COL5A3: variants seen among roughly 807,000 people sequenced by gnomAD.
COL5A3 encodes collagen type V alpha 3 chain.
COL5A3 carries 172 observed loss-of-function variants against 250.0 expected under a neutral mutation model. The observed-to-expected ratio is 0.69, with a 90% CI of 0.61 to 0.78. The LOEUF is 0.78. Ranked by LOEUF, COL5A3 falls within the 30% of genes least tolerant of loss-of-function variation. COL5A3 has a pLI of 0.00. For missense variants in COL5A3, 2,340 were observed against 2,334.4 expected, an observed-to-expected ratio of 1.00 and a Z score of -0.05; for synonymous variants, 937 against 900.4, an observed-to-expected ratio of 1.04 and a Z score of -0.73.
chr19:9,981,422 T>C (rs549273776), intron 32 of COL5A3, among the ~76,000 whole-genome samples: 1 of 152,280 alleles, frequency 6.6e-6, no homozygotes, highest in East Asian at 1.9e-4. Context: ...CATGATTGCA[T>C]GTAATCATGG....
intron 37 of COL5A3, 130 bp from the exon 38 acceptor site, chr19:9,979,547 T>C (rs2086974637): frequency 1.0e-6 from 1 of 985,614 alleles, no homozygotes; most frequent in Non-Finnish European, 1.6e-6. Flanking sequence ...CCCAGCACTT[T>C]GGGAGGCAGA....
At chr19:9,991,205 G>A (rs2087183917) in intron 24 of COL5A3, among the ~76,000 whole-genome samples, 1 of 152,194 alleles carries the variant, frequency 6.6e-6, no homozygotes, top group African/African-American at 2.4e-5. Flanking sequence ...TTGAGCCACT[G>A]CACTCCAGCC....
rs1282067808 is a variant in COL5A3 at position 9,998,112 on chromosome 19, A to G, written c.1148T>C (p.Val383Ala). ...ATCCAGACCCCTCACCTTTTCAATC[A>G]CTGCGGGCTCTCCTTTTGCTCCTTT... ...GEKGAKGEPA[V>A]IEKGQQFEGP... is the part of the protein sequence containing the mutation. The change falls in exon 9 of 67, where the codon GTG (valine) becomes GCG (alanine). Residue 383 changes from valine (V) to alanine (A), a missense_variant. Val to Ala is a moderately conservative substitution (Grantham distance 64, BLOSUM62 0). This residue lies in a region of COL5A3 where 1,152 missense variants were observed against 1,146.3 expected (regional missense o/e 1.00). Transcript: ENST00000264828. 6.2e-7 allele frequency: 1 copy of G among 1,613,756 alleles called. No homozygotes were observed. Among genetic ancestry groups the G allele is most frequent in the Admixed American group, 1.7e-5 (1 of 59,968 alleles).
In COL5A3 at chr19:9,960,263, G is replaced by C. The variant is rs1380726376; in HGVS notation, c.*148C>G. On this transcript the variant is annotated 3_prime_UTR_variant, in exon 67 of 67. Transcript: ENST00000264828. Reference sequence around the variant, plus strand: ...CCCCAGCCCCCAGCACCCTGGAAAGGAGAAGGAATGACTGTCCGTGATGAG... The same window carrying C: ...CCCCAGCCCCCAGCACCCTGGAAAGCAGAAGGAATGACTGTCCGTGATGAG... The C allele has an allele frequency of 1.0e-5, 10 of 987,240 alleles. No homozygotes were observed. Among genetic ancestry groups the C allele is most frequent in the Non-Finnish European group, 1.5e-5 (10 of 673,872 alleles). 61.2% of individuals were successfully genotyped at this position (987,240 alleles called of 1,614,324 possible). A position where few individuals can be genotyped will look rare whatever the true frequency, so the allele number is the denominator to read the frequency against.
chr19:9,978,562 G>A lies in COL5A3; in HGVS notation c.3018+12C>T. 1 of 1,573,960 alleles carries A rather than the reference G, an allele frequency of 6.4e-7. No homozygotes were observed. The highest frequency in any genetic ancestry group is 8.7e-7 in the Non-Finnish European group (1 of 1,149,798). ...CACCCTGCCCCCACCCAGCACATGG[G>A]GTTATACTTACATTGGCCCCCACGG... On this transcript the variant is annotated intron_variant, in intron 41 of 66. Transcript: ENST00000264828.
intron 1 of COL5A3, among the ~76,000 whole-genome samples, chr19:10,008,058 C>T (rs1481053674): frequency 6.6e-6 from 1 of 151,988 alleles, no homozygotes; most frequent in Non-Finnish European, 1.5e-5. Context: ...TAAGAGAAAT[C>T]TGGGTTGCAG....
At position 10,005,728 on chromosome 19, in the gene COL5A3, G is replaced by A. The variant is rs746105681; in HGVS notation, c.438-14C>T. On this transcript the variant is annotated splice_polypyrimidine_tract_variant and intron_variant, in intron 3 of 66. Coordinates refer to ENST00000264828, the MANE Select transcript of COL5A3 (RefSeq NM_015719.4). ...ACACGGTGCCACCTGCAAGGGGACG[G>A]CCTCAGTGCGGGTGCTTCTCACCCC... is the stretch of plus-strand genomic sequence containing the variant. 1.2e-6 allele frequency: 2 copies of A among 1,602,096 alleles called. No homozygotes were observed. The highest frequency in any genetic ancestry group is 1.7e-6 in the Non-Finnish European group (2 of 1,171,994).
chr19:9,972,071 A>C (rs1433976213), intron 51 of COL5A3, among the ~76,000 whole-genome samples: 1 of 152,166 alleles, frequency 6.6e-6, no homozygotes, highest in African/African-American at 2.4e-5. Flanking sequence ...TCATGCATCC[A>C]TTCACTCATT....
At chr19:10,002,985 C>T (rs1406441264) in intron 6 of COL5A3, among the ~76,000 whole-genome samples, 2 of 152,134 alleles carry the variant, frequency 1.3e-5, no homozygotes, top group Non-Finnish European at 2.9e-5. Flanking sequence ...ATAATGGTTT[C>T]TATCCATGAC....
At position 9,998,111 on chromosome 19, in the gene COL5A3, C is replaced by T. The variant is rs773798103; in HGVS notation, c.1149G>A (p.Val383=). 1.2e-5 allele frequency: 20 copies of T among 1,613,882 alleles called. No individual in the cohort carries two copies. Among genetic ancestry groups the T allele is most frequent in the Non-Finnish European group, 1.7e-5 (20 of 1,180,000 alleles). The change falls in exon 9 of 67, where the codon GTG becomes GTA. Residue 383 remains valine, a synonymous_variant. Transcript: ENST00000264828. Reference sequence around the variant, plus strand: ...AATCCAGACCCCTCACCTTTTCAATCACTGCGGGCTCTCCTTTTGCTCCTT... The same window carrying T: ...AATCCAGACCCCTCACCTTTTCAATTACTGCGGGCTCTCCTTTTGCTCCTT... ...GEKGAKGEPA[V]IEKGQQFEGP...
At position 9,992,060 on chromosome 19, in the gene COL5A3, G is replaced by A; in HGVS notation, c.1849-12C>T. The A allele has an allele frequency of 1.2e-6, 2 of 1,613,064 alleles. No homozygotes were observed. Among genetic ancestry groups the A allele is most frequent in the Non-Finnish European group, 1.7e-6 (2 of 1,179,234 alleles). On this transcript the variant is annotated splice_polypyrimidine_tract_variant and intron_variant, in intron 21 of 66. Transcript: ENST00000264828. Reference sequence around the variant, plus strand: ...ATTCCAGTCACACCCTAGGGGAAAAGAGGATGTGAGACCAAGACAGAGCAA... The same window carrying A: ...ATTCCAGTCACACCCTAGGGGAAAAAAGGATGTGAGACCAAGACAGAGCAA...
chr19:9,979,967 A>C, intron 36 of COL5A3, 27 bp downstream of exon 36: 1 of 1,576,310 alleles, frequency 6.3e-7, no homozygotes, highest in Non-Finnish European at 8.6e-7. Context: ...CACCCACCCA[A>C]CCCCCAATGA....
Position 9,960,376 on chromosome 19 carries a change from G to C in COL5A3, c.*35C>G, listed in dbSNP as rs1051718074. ...TCAGCACCAAATGCACCCCATTCTGGGGCTCCCTCATGGTCCCTCCCACCC... is the reference window on the plus strand; with the variant it reads ...TCAGCACCAAATGCACCCCATTCTGCGGCTCCCTCATGGTCCCTCCCACCC... On this transcript the variant is annotated 3_prime_UTR_variant, in exon 67 of 67. Coordinates refer to ENST00000264828, the MANE Select transcript of COL5A3 (RefSeq NM_015719.4). 3.1e-6 allele frequency: 5 copies of C among 1,612,636 alleles called. No individual in the cohort carries two copies. The highest frequency in any genetic ancestry group is 1.3e-5 in the African/African-American group (1 of 74,862).
rs1378742594 is a variant in COL5A3, at chr19:10,003,733, T to C, written c.700-19A>G. On this transcript the variant is annotated intron_variant, in intron 5 of 66. Coordinates refer to ENST00000264828, the MANE Select transcript of COL5A3 (RefSeq NM_015719.4). ...GGGGAGCCTGGGAGAAGGGTTCCAG[T>C]CAGGTCTAGAGCATCCCACCAGCAG... The C allele has an allele frequency of 1.2e-6, 2 of 1,613,528 alleles. No homozygotes were observed. Among genetic ancestry groups the C allele is most frequent in the African/African-American group, 2.7e-5 (2 of 74,892 alleles).
chr19:9,989,027 T>G, intron 27 of COL5A3, 97 bp downstream of exon 27: 3 of 1,301,114 alleles, frequency 2.3e-6, no homozygotes, highest in Admixed American at 1.7e-5. Flanking sequence ...GCCAACTGAT[T>G]CCCCTCTCCA....
At chr19:9,989,423 A>G (rs372909666) in intron 25 of COL5A3, 46 bp downstream of exon 25, 1 of 1,613,818 alleles carries the variant, frequency 6.2e-7, no homozygotes, top group Admixed American at 1.7e-5. Context: ...CCAATTCCCA[A>G]GGCTCCCCTT....
intron 51 of COL5A3, among the ~76,000 whole-genome samples, chr19:9,972,435 A>T (rs550408760): frequency 6.6e-6 from 1 of 152,260 alleles, no homozygotes; most frequent in South Asian, 2.1e-4. Flanking sequence ...TCATACATTC[A>T]TCCACTCATT....
intron 16 of COL5A3, among the ~76,000 whole-genome samples, chr19:9,995,198 G>A (rs1185244363): frequency 6.6e-6 from 1 of 152,190 alleles, no homozygotes; most frequent in Non-Finnish European, 1.5e-5. Flanking sequence ...ATGAGCCACT[G>A]CGCGCAGCCA....
intron 12 of COL5A3, 26 bp downstream of exon 12, chr19:9,996,589 G>T (rs2087276898): frequency 6.2e-7 from 1 of 1,613,746 alleles, no homozygotes; most frequent in Non-Finnish European, 8.5e-7. Context: ...ACTCCCCAAG[G>T]CTGGGCCACT....
Sources: gnomAD v4.1 joint callset for allele counts (sites outside exome capture counted in the v4.1 genomes callset) on GRCh38, gnomAD v4.1.1 for gene constraint, gnomAD v4.1.1 regional missense constraint, MANE v1.5 for transcripts, NCBI Gene and HGNC (gene_info 2026-07-23, HGNC 2026-07-21) for gene names.